Variants in ABTB2 observed in about 807,000 individuals in gnomAD.
ABTB2 encodes the protein ankyrin repeat and BTB/POZ domain-containing protein 2.
ABTB2 carries 56 observed loss-of-function variants against 104.1 expected under a neutral mutation model. That is an observed-to-expected ratio of 0.54 (90% CI 0.43 to 0.67). The LOEUF is 0.67. ABTB2 is among the 30% of genes least tolerant of loss of function. ABTB2 has a pLI of 0.00. For synonymous variants in ABTB2, 606 were observed against 608.2 expected (o/e 1.00, Z 0.05); for missense variants, 1,279 against 1,407.7 (o/e 0.91, Z 1.46).
intron 1 of ABTB2, among the ~76,000 whole-genome samples, chr11:34,212,944 G>A (rs1341132091): frequency 6.6e-6 from 1 of 152,198 alleles, no homozygotes; most frequent in Non-Finnish European, 1.5e-5. Flanking sequence ...GGCTGGCAAA[G>A]GGTGATGTGC....
At chr11:34,209,965 G>C (rs1853461407) in intron 1 of ABTB2, among the ~76,000 whole-genome samples, 1 of 151,722 alleles carries the variant, frequency 6.6e-6, no homozygotes, top group South Asian at 2.1e-4. Flanking sequence ...TCTCCACCAG[G>C]GCCCAGAGAG....
chr11:34,312,710 C>G (rs1369038674), intron 1 of ABTB2, among the ~76,000 whole-genome samples: 1 of 152,172 alleles, frequency 6.6e-6, no homozygotes, highest in East Asian at 1.9e-4. Flanking sequence ...TTCTACTATT[C>G]TCTTTTTGGA....
At chr11:34,321,111 G>A (rs1590255347) in intron 1 of ABTB2, among the ~76,000 whole-genome samples, 1 of 152,324 alleles carries the variant, frequency 6.6e-6, no homozygotes, top group South Asian at 2.1e-4. Context: ...GAACCCAGGA[G>A]GCGGAGGTTG....
chr11:34,171,058 A>AC lies in ABTB2; in HGVS notation c.1410_1411insG (p.Phe471ValfsTer14). 2 of 1,614,134 alleles carry AC rather than the reference A, an allele frequency of 1.2e-6. No individual in the cohort carries two copies. Among genetic ancestry groups the AC allele is most frequent in the Non-Finnish European group, 1.7e-6 (2 of 1,180,010 alleles). ...GCATCCAGCCTCCGGAAGGAACTGA[A>AC]ACAGTGTTCGGGTCTGCCCAGAAGA... is the stretch of plus-strand genomic sequence containing the variant. On this transcript the variant is annotated frameshift_variant, in exon 5 of 17. Coordinates refer to ENST00000435224, the MANE Select transcript of ABTB2 (RefSeq NM_145804.3). LOFTEE classifies it high-confidence loss of function.
rs1288339844 is a variant in ABTB2, at chr11:34,219,277, G to A, written c.884-14587C>T. Reference sequence around the variant, plus strand: ...GCTGGAAAGTTCTATCACCAGCCAGGCATGGTGGCTCACACCTATAATCCT... The same window carrying A: ...GCTGGAAAGTTCTATCACCAGCCAGACATGGTGGCTCACACCTATAATCCT... On this transcript the variant is annotated intron_variant, in intron 1 of 16. Coordinates refer to ENST00000435224, the MANE Select transcript of ABTB2 (RefSeq NM_145804.3). Among the ~76,000 whole-genome samples the A allele has an allele frequency of 3.9e-5, 6 of 152,208 alleles. No homozygotes were observed. In the East Asian group the frequency reaches 1.2e-3, roughly 29 times the overall value.
Position 34,310,705 on chromosome 11 carries a change from C to T in ABTB2, c.883+45996G>A, listed in dbSNP as rs528038088. ...TCCCTCTGCTAGTCAAGTCCTCCTA[C>T]CCAACTGGGTCACGGACCCCTGTTT... is the stretch of plus-strand genomic sequence containing the variant. On this transcript the variant is annotated intron_variant, in intron 1 of 16. Transcript: ENST00000435224. Among the ~76,000 whole-genome samples the T allele has an allele frequency of 2.6e-5, 4 of 152,294 alleles. No individual in the cohort carries two copies. The South Asian group carries it at 8.3e-4, about 32-fold the overall frequency.
At position 34,317,427 on chromosome 11, in the gene ABTB2, G is replaced by A. The variant is rs371107885; in HGVS notation, c.883+39274C>T. Among the ~76,000 whole-genome samples, 6 of 152,210 alleles carry A rather than the reference G, an allele frequency of 3.9e-5. No individual in the cohort carries two copies. The East Asian group carries it at 5.8e-4, about 15-fold the overall frequency. The stretch of plus-strand genomic sequence containing the variant: ...CTCTGCCCACAGACTGCTCAATAAG[G>A]GGGCACTGGCAATGAGAGTGCGAAA... On this transcript the variant is annotated intron_variant, in intron 1 of 16. Transcript: ENST00000435224.
At chr11:34,273,570 C>A (rs1854345755) in intron 1 of ABTB2, among the ~76,000 whole-genome samples, 1 of 152,112 alleles carries the variant, frequency 6.6e-6, no homozygotes, top group African/African-American at 2.4e-5. Context: ...AACTGTGGCC[C>A]CTTGATGGGC....
intron 1 of ABTB2, among the ~76,000 whole-genome samples, chr11:34,280,002 C>T (rs1043048511): frequency 6.6e-6 from 1 of 152,062 alleles, no homozygotes; most frequent in Non-Finnish European, 1.5e-5. Flanking sequence ...AACTCCTAAC[C>T]TCAAGTGATC....
intron 1 of ABTB2, among the ~76,000 whole-genome samples, chr11:34,342,221 C>A (rs7928840): frequency 6.6e-6 from 1 of 152,164 alleles, no homozygotes; most frequent in Non-Finnish European, 1.5e-5. Context: ...GTGCTTCATA[C>A]GGTATTATCT....
intron 1 of ABTB2, among the ~76,000 whole-genome samples, chr11:34,301,392 G>A (rs1854704146): frequency 6.6e-6 from 1 of 152,110 alleles, no homozygotes; most frequent in Non-Finnish European, 1.5e-5. Flanking sequence ...ATGATCACTT[G>A]ACTATAAACA....
At chr11:34,186,198 G>A (rs1005796770) in intron 3 of ABTB2, among the ~76,000 whole-genome samples, 1 of 152,252 alleles carries the variant, frequency 6.6e-6, no homozygotes, top group Non-Finnish European at 1.5e-5. Context: ...AGTGCCTCAG[G>A]GGGTGCACCC....
At chr11:34,351,602 C>T (rs906582387) in intron 1 of ABTB2, among the ~76,000 whole-genome samples, 6 of 151,208 alleles carry the variant, frequency 4.0e-5, no homozygotes, top group Admixed American at 1.3e-4. Flanking sequence ...GAAATGGGGA[C>T]GGTTCTGATA....
At position 34,154,460 on chromosome 11, in the gene ABTB2, G is replaced by C; in HGVS notation, c.2767-82C>G. 9.4e-7 allele frequency: 1 copy of C among 1,065,490 alleles called. No individual in the cohort carries two copies. The allele number at this position is 1,065,490 out of a possible 1,614,324, so 66.0% of individuals were successfully genotyped here. A position where few individuals can be genotyped will look rare whatever the true frequency, so the allele number is the denominator to read the frequency against. On this transcript the variant is annotated intron_variant, in intron 15 of 16. Coordinates refer to ENST00000435224, the MANE Select transcript of ABTB2 (RefSeq NM_145804.3). The surrounding 1 kb of genome is among the most constrained non-coding windows in gnomAD (Gnocchi z 4.9). Reference sequence around the variant, plus strand: ...AGCACCGAACAGAAAGCTCCCGAGTGCCGTGTGCCCTGCTGCCTCCACCCT... The same window carrying C: ...AGCACCGAACAGAAAGCTCCCGAGTCCCGTGTGCCCTGCTGCCTCCACCCT...
At chr11:34,305,584 G>A (rs916463389) in intron 1 of ABTB2, among the ~76,000 whole-genome samples, 7 of 152,160 alleles carry the variant, frequency 4.6e-5, no homozygotes, top group Non-Finnish European at 4.4e-5. Flanking sequence ...TGGAGTAAGG[G>A]AACCAGAGGC....
chr11:34,221,063 G>T (rs960132953), intron 1 of ABTB2, among the ~76,000 whole-genome samples: 2 of 151,844 alleles, frequency 1.3e-5, no homozygotes, highest in Non-Finnish European at 1.5e-5. Flanking sequence ...TCCACCTCCC[G>T]GGTTCATGCA....
At position 34,154,373 on chromosome 11, in the gene ABTB2, C is replaced by G. The variant is rs531399724; in HGVS notation, c.2772G>C (p.Leu924=). The G allele has an allele frequency of 3.1e-6, 5 of 1,611,510 alleles. No homozygotes were observed. In the East Asian group the frequency reaches 1.1e-4, roughly 36 times the overall value. Reference sequence around the variant, plus strand: ...CCAGCTGGAACAGGCTGGCAGCTGACAGCAGCTGGTAGGGAGGCAGAGCAG... The same window carrying G: ...CCAGCTGGAACAGGCTGGCAGCTGAGAGCAGCTGGTAGGGAGGCAGAGCAG... ...EIPTTDILEL[L]SAASLFQLDA... The change falls in exon 16 of 17, where the codon CTG becomes CTC. Residue 924 remains leucine (L), a synonymous_variant. Coordinates refer to ENST00000435224, the MANE Select transcript of ABTB2 (RefSeq NM_145804.3). The surrounding 1 kb of genome is among the most constrained non-coding windows in gnomAD (Gnocchi z 4.9).
intron 1 of ABTB2, among the ~76,000 whole-genome samples, chr11:34,208,911 C>A (rs1853442049): frequency 6.6e-6 from 1 of 152,200 alleles, no homozygotes; most frequent in African/African-American, 2.4e-5. Context: ...CAGCAGCCTC[C>A]TCACCCATCC....
intron 1 of ABTB2, among the ~76,000 whole-genome samples, chr11:34,298,211 A>G (rs1009447884): frequency 2.6e-5 from 4 of 152,084 alleles, no homozygotes; most frequent in Admixed American, 2.0e-4. Flanking sequence ...TATGAAATGG[A>G]ACCAGACCCA....
Sources: gnomAD v4.1 joint callset for allele counts (sites outside exome capture counted in the v4.1 genomes callset) on GRCh38, gnomAD v4.1.1 for gene constraint, Gnocchi (gnomAD v3.1) non-coding constraint, MANE v1.5 for transcripts, NCBI Gene and HGNC (gene_info 2026-07-23, HGNC 2026-07-21) for gene names.